The following RBM20 variants were observed in gnomAD, a reference collection of about 807,000 sequenced individuals.
RBM20 encodes RNA-binding protein 20.
A neutral mutation model predicts 110.1 loss-of-function variants in RBM20; 51 were observed. The observed-to-expected ratio is 0.46, with a 90% CI of 0.37 to 0.59. The LOEUF is 0.59. Ranked by LOEUF, RBM20 falls within the 20% of genes least tolerant of loss-of-function variation. RBM20 has a pLI of 0.00. For missense variants in RBM20, 1,512 were observed against 1,574.9 expected, an observed-to-expected ratio of 0.96 and a Z score of 0.68; for synonymous variants, 589 against 618.2, an observed-to-expected ratio of 0.95 and a Z score of 0.70.
intron 5 of RBM20, among the ~76,000 whole-genome samples, chr10:110,794,851 G>T (rs1844529817): frequency 6.6e-6 from 1 of 152,222 alleles, no homozygotes; most frequent in South Asian, 2.1e-4. Flanking sequence ...ACTGGCAGCT[G>T]CGAGGTTGTT....
chr10:110,786,972 C>T (rs542612628), intron 5 of RBM20, among the ~76,000 whole-genome samples: 2 of 152,182 alleles, frequency 1.3e-5, no homozygotes, highest in Non-Finnish European at 2.9e-5. Context: ...ATTCTGCAGT[C>T]TGTCCCAGGC....
intron 1 of RBM20, among the ~76,000 whole-genome samples, chr10:110,754,260 T>A (rs968474172): frequency 1.3e-5 from 2 of 152,266 alleles, no homozygotes; most frequent in African/African-American, 4.8e-5. Flanking sequence ...TATTTTTTTC[T>A]CTAAGCTTTT....
intron 1 of RBM20, among the ~76,000 whole-genome samples, chr10:110,759,622 C>T (rs771455893): frequency 2.6e-5 from 4 of 152,116 alleles, no homozygotes; most frequent in Non-Finnish European, 4.4e-5. Flanking sequence ...GAGGGAGGGG[C>T]AATGGCAGGG....
intron 1 of RBM20, among the ~76,000 whole-genome samples, chr10:110,672,732 A>G (rs972875506): frequency 1.3e-5 from 2 of 152,208 alleles, no homozygotes; most frequent in African/African-American, 4.8e-5. Flanking sequence ...GTGCCCCCAG[A>G]GTGCTAGGTT....
chr10:110,779,819 A>G (rs1401286331), intron 1 of RBM20, among the ~76,000 whole-genome samples: 1 of 152,224 alleles, frequency 6.6e-6, no homozygotes, highest in East Asian at 1.9e-4. Flanking sequence ...GTTTGTGCCT[A>G]TATTCAGACA....
chr10:110,687,995 T>TGTGTGTGTG (rs1862529719), intron 1 of RBM20, among the ~76,000 whole-genome samples: 1 of 145,376 alleles, frequency 6.9e-6, no homozygotes, highest in African/African-American at 2.5e-5. Flanking sequence ...CTAAATGGTT[T>TGTGTGTGTG]TGTGTGTGTG....
Position 110,799,949 on chromosome 10 carries a change from CA to C in RBM20, c.1800+33del, listed in dbSNP as rs1844601552. The C allele has an allele frequency of 2.6e-6, 4 of 1,547,662 alleles. No individual in the cohort carries two copies. In the Admixed American group the frequency reaches 7.8e-5, roughly 30 times the overall value. On this transcript the variant is annotated intron_variant, in intron 7 of 13. Transcript: ENST00000369519. ...GCATTATCTTGCTCATTCAGTCATT[CA>C]ACAAGCACCAGATGAGTTTCTCCTC...
intron 1 of RBM20, among the ~76,000 whole-genome samples, chr10:110,696,895 T>C (rs1056087088): frequency 1.3e-5 from 2 of 152,132 alleles, no homozygotes; most frequent in Admixed American, 6.5e-5. Flanking sequence ...CTCATCCCTG[T>C]TACCACCACA....
intron 13 of RBM20, chr10:110,835,202 G>A (rs1845108095): frequency 1.3e-5 from 2 of 152,220 alleles, no homozygotes; most frequent in African/African-American, 4.8e-5. Context: ...AAACAGAGTT[G>A]TTTTGGGAGT....
chr10:110,654,670 A>G (rs544072457), intron 1 of RBM20, among the ~76,000 whole-genome samples: 4 of 152,270 alleles, frequency 2.6e-5, no homozygotes, highest in South Asian at 2.1e-4. Context: ...TAAGTTACAC[A>G]GCTATTTTTG....
chr10:110,732,040 C>G lies in RBM20; in HGVS notation c.192-48761C>G, dbSNP rs562101031. ...CCTCAATCTTCTCACCTATGTTTTT[C>G]TAAAAGGACTGTGCATCTCAAACAA... On this transcript the variant is annotated intron_variant, in intron 1 of 13. Transcript: ENST00000369519. 2.0e-5 allele frequency among the ~76,000 whole-genome samples: 3 copies of G among 152,296 alleles called. No homozygotes were observed. In the South Asian group the frequency reaches 6.2e-4, roughly 32 times the overall value.
rs1844914152 is a variant in RBM20 at position 110,821,724 on chromosome 10, A to G, written c.3105A>G (p.Ser1035=). The stretch of plus-strand genomic sequence containing the variant: ...AGGAGGCAAAGGGAGTGGAGAGCTC[A>G]GATGTTCATCCAGCCCCTACAGTCC... ...YEKEAKGVES[S]DVHPAPTVQQ... The change falls in exon 11 of 14, where the codon TCA becomes TCG. Residue 1035 remains serine, a synonymous_variant. Transcript: ENST00000369519. 1 of 1,551,684 alleles carries G rather than the reference A, an allele frequency of 6.4e-7. No homozygotes were observed. Among genetic ancestry groups the G allele is most frequent in the Admixed American group, 2.0e-5 (1 of 50,994 alleles).
chr10:110,649,011 AC>A (rs1387407380), intron 1 of RBM20, among the ~76,000 whole-genome samples: 1 of 152,012 alleles, frequency 6.6e-6, no homozygotes, highest in Non-Finnish European at 1.5e-5. Flanking sequence ...GAATTTGATC[AC>A]CCTTTTTATT....
intron 1 of RBM20, among the ~76,000 whole-genome samples, chr10:110,704,362 A>G (rs994739573): frequency 1.3e-5 from 2 of 152,238 alleles, no homozygotes; most frequent in Non-Finnish European, 2.9e-5. Flanking sequence ...ACATTTGTGT[A>G]CAGGTTTTTG....
At chr10:110,718,769 G>A (rs979763677) in intron 1 of RBM20, among the ~76,000 whole-genome samples, 2 of 151,618 alleles carry the variant, frequency 1.3e-5, no homozygotes, top group Admixed American at 6.6e-5. Flanking sequence ...CCGCCACAAT[G>A]CCCGGCTAAT....
intron 5 of RBM20, among the ~76,000 whole-genome samples, chr10:110,786,528 G>T (rs34555587): frequency 6.6e-6 from 1 of 152,230 alleles, no homozygotes; most frequent in African/African-American, 2.4e-5. Flanking sequence ...GAAGCGCTTC[G>T]AGAGAGCCCC....
In RBM20 at chr10:110,823,627, C is replaced by T; in HGVS notation, c.3451+13C>T. 2 of 1,551,046 alleles carry T rather than the reference C, an allele frequency of 1.3e-6. No homozygotes were observed. The highest frequency in any genetic ancestry group is 2.4e-5 in the South Asian group (2 of 83,874). On this transcript the variant is annotated intron_variant, in intron 12 of 13. Coordinates refer to ENST00000369519, the MANE Select transcript of RBM20 (RefSeq NM_001134363.3). ...AGCATTCCTCTAGGTAAGCAAAACA[C>T]ACAGTCTTTCCTGAAATTCAGGTCT...
chr10:110,753,782 G>A (rs1843889203), intron 1 of RBM20, among the ~76,000 whole-genome samples: 1 of 152,172 alleles, frequency 6.6e-6, no homozygotes. Flanking sequence ...CAGGTTCTAG[G>A]GGGGAATCTT....
chr10:110,816,822 G>A (rs1844846448), intron 9 of RBM20, among the ~76,000 whole-genome samples: 1 of 152,206 alleles, frequency 6.6e-6, no homozygotes, highest in Admixed American at 6.5e-5. Context: ...GTCAGACCCT[G>A]CTTTCTTCTG....
Sources: gnomAD v4.1 joint callset for allele counts (sites outside exome capture counted in the v4.1 genomes callset) on GRCh38, gnomAD v4.1.1 for gene constraint, MANE v1.5 for transcripts, NCBI Gene and HGNC (gene_info 2026-07-23, HGNC 2026-07-21) for gene names.